The following KANSL3 variants were observed in gnomAD, a reference collection of about 807,000 sequenced individuals.
KANSL3 encodes the protein KAT8 regulatory NSL complex subunit 3.
A neutral mutation model predicts 89.2 loss-of-function variants in KANSL3; 16 were observed. The observed-to-expected ratio is 0.18, with a 90% CI of 0.12 to 0.27. The LOEUF (loss-of-function observed/expected upper bound fraction) is 0.27, where lower values mean the gene tolerates loss of function less well. KANSL3 is among the 10% of genes least tolerant of loss of function. The pLI is 1.00. For synonymous variants in KANSL3, 385 were observed against 419.7 expected (o/e 0.92, Z 1.01); for missense variants, 879 against 1,110.6 (o/e 0.79, Z 2.96).
intron 7 of KANSL3, 122 bp downstream of exon 7, chr2:96,612,696 A>G (rs1315028745): frequency 9.3e-6 from 10 of 1,076,442 alleles, no homozygotes; most frequent in Non-Finnish European, 1.4e-5. Context: ...ACATGAAAGA[A>G]GGGTTAGAGG....
Position 96,602,266 on chromosome 2 carries a change from G to C in KANSL3, c.2332C>G (p.Arg778Gly). ...AGAGTGGTGGCCACAGGAATGGTACGGACAATGGTGCTGGTGCCCGTGGTG... is the reference window on the plus strand; with the variant it reads ...AGAGTGGTGGCCACAGGAATGGTACCGACAATGGTGCTGGTGCCCGTGGTG... ...AITTGTSTIV[R>G]TIPVATTLSS... The change falls in exon 19 of 21, where the codon CGT (arginine) becomes GGT (glycine). Residue 778 changes from arginine (R) to glycine (G), a missense_variant. Coordinates refer to ENST00000431828, the MANE Select transcript of KANSL3 (RefSeq NM_001115016.3). 3.7e-6 allele frequency: 6 copies of C among 1,612,550 alleles called. No homozygotes were observed. The highest frequency in any genetic ancestry group is 5.1e-6 in the Non-Finnish European group (6 of 1,179,434).
At chr2:96,621,121 A>G (rs2071183305) in intron 3 of KANSL3, among the ~76,000 whole-genome samples, 1 of 152,238 alleles carries the variant, frequency 6.6e-6, no homozygotes, top group South Asian at 2.1e-4. Context: ...TAGGGCTGAG[A>G]CAACCACAAC....
Position 96,609,028 on chromosome 2 carries a change from G to C in KANSL3, c.1420C>G (p.Arg474Gly), listed in dbSNP as rs776152330. 5.8e-6 allele frequency: 9 copies of C among 1,565,052 alleles called. No homozygotes were observed. The highest frequency in any genetic ancestry group is 7.8e-6 in the Non-Finnish European group (9 of 1,154,528). Residue 474 changes from arginine (R) to glycine (G), a missense_variant, in exon 13 of 21, where the codon CGT becomes GGT. Physicochemically the swap from Arg to Gly is moderately radical, Grantham distance 125 (BLOSUM62 -2). Transcript: ENST00000431828. ...IVDFLTGVLT[R>G]AEGHMGSEPR... ...TCAGAGCCCATGTGACCCTCAGCAC[G>C]AGTGAGCACTCCAGTCAGAAAGTCC...
intron 6 of KANSL3, 32 bp from the exon 7 acceptor site, chr2:96,612,966 T>A: frequency 7.1e-7 from 1 of 1,416,994 alleles, no homozygotes; most frequent in East Asian, 2.5e-5. Context: ...CAAAAACCAG[T>A]GAGTGAGAAG....
At chr2:96,606,623 A>G (rs1297850106) in intron 14 of KANSL3, 1 of 205,262 alleles carries the variant, frequency 4.9e-6, no homozygotes, top group African/African-American at 2.4e-5. Flanking sequence ...TGTAGCCACC[A>G]GATAAACACA....
rs988932777 is a variant in KANSL3, at chr2:96,601,469, G to A, written c.2616+174C>T. Reference sequence around the variant, plus strand: ...AGGGATGTAGAAGAGGAAGCTCAAAGATGTCCATGATTCGCTCAATATTAT... The same window carrying A: ...AGGGATGTAGAAGAGGAAGCTCAAAAATGTCCATGATTCGCTCAATATTAT... On this transcript the variant is annotated intron_variant, in intron 20 of 20. Coordinates refer to ENST00000431828, the MANE Select transcript of KANSL3 (RefSeq NM_001115016.3). 2.2e-6 allele frequency: 3 copies of A among 1,376,060 alleles called. 1 individual carries two copies. In the South Asian group the frequency reaches 5.3e-5, roughly 24 times the overall value. 85.2% of individuals were successfully genotyped at this position (1,376,060 alleles called of 1,614,324 possible).
chr2:96,626,021 C>A (rs1296175535), intron 3 of KANSL3, among the ~76,000 whole-genome samples: 1 of 151,424 alleles, frequency 6.6e-6, no homozygotes, highest in East Asian at 2.0e-4. Context: ...TTCTTCCTTT[C>A]TTAGATGAGA....
chr2:96,602,975 T>TG, intron 17 of KANSL3, 113 bp from the exon 18 acceptor site: 1 of 886,570 alleles, frequency 1.1e-6, no homozygotes, highest in Non-Finnish European at 1.8e-6. Flanking sequence ...TGCTTGCCCT[T>TG]GGACACCCGT....
chr2:96,628,143 G>A (rs963350165), intron 3 of KANSL3: 10 of 1,289,708 alleles, frequency 7.8e-6, no homozygotes, highest in Non-Finnish European at 1.0e-5. Flanking sequence ...GGACAGGCAG[G>A]AGAAGGTGCA....
intron 3 of KANSL3, among the ~76,000 whole-genome samples, chr2:96,629,343 AT>A (rs1186889661): frequency 6.6e-6 from 1 of 151,692 alleles, no homozygotes; most frequent in East Asian, 1.9e-4. Context: ...TTTTTTTGAG[AT>A]GGTGTTTCAC....
chr2:96,628,134 G>A (rs1329822660), intron 3 of KANSL3: 1 of 1,289,944 alleles, frequency 7.8e-7, no homozygotes. Flanking sequence ...TTCTCTAAAG[G>A]ACAGGCAGGA....
At chr2:96,621,736 G>C (rs2071321145) in intron 3 of KANSL3, among the ~76,000 whole-genome samples, 1 of 152,116 alleles carries the variant, frequency 6.6e-6, no homozygotes, top group African/African-American at 2.4e-5. Context: ...AGAGGCTCTA[G>C]AAAATTAATA....
At chr2:96,633,397 C>T (rs1179228664) in intron 2 of KANSL3, among the ~76,000 whole-genome samples, 4 of 152,038 alleles carry the variant, frequency 2.6e-5, no homozygotes, top group Non-Finnish European at 5.9e-5. Context: ...TGGTAAAACC[C>T]CATCTCTACT....
At chr2:96,584,991 A>G in the KANSL3 span, among the ~76,000 whole-genome samples, 1 of 152,236 alleles carries the variant, frequency 6.6e-6, no homozygotes, top group East Asian at 1.9e-4. Context: ...GATGTCTCAC[A>G]TTAGTCTGAT....
At chr2:96,600,208 C>A (rs954264672) in intron 20 of KANSL3, among the ~76,000 whole-genome samples, 1 of 150,302 alleles carries the variant, frequency 6.7e-6, no homozygotes, top group African/African-American at 2.5e-5. Flanking sequence ...ACTCTGTAAT[C>A]CCATATTTGT....
At position 96,608,888 on chromosome 2, in the gene KANSL3, C is replaced by T; in HGVS notation, c.1560G>A (p.Leu520=). The part of the protein sequence containing the change: ...GSRPASPAAK[L]PASPSGSEDL... Reference sequence around the variant, plus strand: ...CCTCTGAGCCTGAGGGTGAGGCGGGCAGCTTGGCAGCTGGGGAGGCAGGTC... The same window carrying T: ...CCTCTGAGCCTGAGGGTGAGGCGGGTAGCTTGGCAGCTGGGGAGGCAGGTC... The change falls in exon 13 of 21, where the codon CTG becomes CTA. Residue 520 remains leucine, a synonymous_variant. Coordinates refer to ENST00000431828, the MANE Select transcript of KANSL3 (RefSeq NM_001115016.3). 6.3e-7 allele frequency: 1 copy of T among 1,577,776 alleles called. No individual in the cohort carries two copies. The highest frequency in any genetic ancestry group is 8.6e-7 in the Non-Finnish European group (1 of 1,162,006).
Position 96,601,923 on chromosome 2 carries a change from T to C in KANSL3, c.2483-147A>G. 5 of 1,324,248 alleles carry C rather than the reference T, an allele frequency of 3.8e-6. 1 individual carries two copies. Among genetic ancestry groups the C allele is most frequent in the Non-Finnish European group, 5.0e-6 (5 of 992,288 alleles). 82.0% of individuals were successfully genotyped at this position (1,324,248 alleles called of 1,614,324 possible). A position where few individuals can be genotyped will look rare whatever the true frequency, so the allele number is the denominator to read the frequency against. Reference sequence around the variant, plus strand: ...GTCATCTATGCCCTATCAGTCAATCTGAAAGGCAACAGGAAACAGCCTGTG... The same window carrying C: ...GTCATCTATGCCCTATCAGTCAATCCGAAAGGCAACAGGAAACAGCCTGTG... On this transcript the variant is annotated intron_variant, in intron 19 of 20. Transcript: ENST00000431828.
At chr2:96,584,184 C>T in the KANSL3 span, among the ~76,000 whole-genome samples, 5 of 152,062 alleles carry the variant, frequency 3.3e-5, no homozygotes, top group Non-Finnish European at 7.3e-5. Context: ...TTTTTAGAGA[C>T]GCTCTTGCAC....
chr2:96,588,222 T>TA (rs1255539330), downstream of KANSL3, among the ~76,000 whole-genome samples: 2 of 150,330 alleles, frequency 1.3e-5, no homozygotes, highest in Non-Finnish European at 3.0e-5. Context: ...ACCTGAAAAT[T>TA]AAAGAAAAAG....
Sources: gnomAD v4.1 joint callset for allele counts (sites outside exome capture counted in the v4.1 genomes callset) on GRCh38, gnomAD v4.1.1 for gene constraint, MANE v1.5 for transcripts, NCBI Gene and HGNC (gene_info 2026-07-23, HGNC 2026-07-21) for gene names.